CEP63: variants seen among roughly 807,000 people sequenced by gnomAD.
CEP63 encodes centrosomal protein of 63 kDa.
In CEP63, 84 loss-of-function variants were observed where a neutral mutation model predicts 89.1. The observed-to-expected ratio is 0.94, with a 90% CI of 0.79 to 1.13. CEP63 has a LOEUF of 1.13. CEP63 is among the 50% of genes most tolerant of loss of function. CEP63 has a pLI of 0.00. For synonymous variants in CEP63, 267 were observed against 272.5 expected (o/e 0.98, Z 0.20); for missense variants, 838 against 813.3 (o/e 1.03, Z -0.37).
the CEP63 span, among the ~76,000 whole-genome samples, chr3:134,707,816 C>G: frequency 7.1e-6 from 1 of 141,126 alleles, no homozygotes; most frequent in Non-Finnish European, 1.5e-5. Context: ...GATCAGTCCT[C>G]CTCTCACTCT....
intron 11 of CEP63, among the ~76,000 whole-genome samples, chr3:134,573,488 C>T (rs1463074787): frequency 6.6e-6 from 1 of 152,190 alleles, no homozygotes; most frequent in Non-Finnish European, 1.5e-5. Flanking sequence ...GCTATCCCAG[C>T]ACCGTTTGTT....
At chr3:134,645,722 A>G in the CEP63 span, among the ~76,000 whole-genome samples, 1 of 152,086 alleles carries the variant, frequency 6.6e-6, no homozygotes, top group Admixed American at 6.5e-5. Context: ...ATTTACCTGA[A>G]ACTTCCAGTT....
At chr3:134,536,457 C>G (rs77167542) in intron 5 of CEP63, 4 of 152,934 alleles carry the variant, frequency 2.6e-5, no homozygotes, top group African/African-American at 9.7e-5. Context: ...TTGATTTGCC[C>G]CATTTTCATA....
At chr3:134,724,127 C>T in the CEP63 span, among the ~76,000 whole-genome samples, 10 of 152,308 alleles carry the variant, frequency 6.6e-5, no homozygotes, top group South Asian at 2.1e-4. Context: ...TTCAAATTCA[C>T]GCCCCTCACT....
At chr3:134,539,463 A>C (rs1951546124) in intron 6 of CEP63, among the ~76,000 whole-genome samples, 1 of 152,206 alleles carries the variant, frequency 6.6e-6, no homozygotes, top group Non-Finnish European at 1.5e-5. Context: ...AAAAAATAAC[A>C]ATATATCAGT....
the CEP63 span, among the ~76,000 whole-genome samples, chr3:134,755,236 CCCTG>C: frequency 3.3e-4 from 1 of 3,018 alleles, no homozygotes. Context: ...GAACCCTGAG[CCCTG>C]AGCCCTGAGC....
the CEP63 span, among the ~76,000 whole-genome samples, chr3:134,764,627 G>A: frequency 4.6e-5 from 7 of 152,186 alleles, no homozygotes; most frequent in East Asian, 1.9e-4. Flanking sequence ...CTTCCCCATC[G>A]CAATGCTTCT....
the CEP63 span, among the ~76,000 whole-genome samples, chr3:134,655,357 G>A: frequency 6.6e-6 from 1 of 152,176 alleles, no homozygotes; most frequent in East Asian, 1.9e-4. Context: ...TCCATTCCTT[G>A]AAGAACTGAT....
chr3:134,603,633 A>G, the CEP63 span: 2 of 1,606,658 alleles, frequency 1.2e-6, no homozygotes, highest in African/African-American at 2.7e-5. Flanking sequence ...TGTGGTTGGC[A>G]TTCTCCAGCA....
At chr3:134,595,007 G>T in the CEP63 span, among the ~76,000 whole-genome samples, 2 of 152,156 alleles carry the variant, frequency 1.3e-5, no homozygotes, top group African/African-American at 2.4e-5. Context: ...AAAGCTGACT[G>T]GTTGTCAGTC....
the CEP63 span, among the ~76,000 whole-genome samples, chr3:134,738,507 A>G: frequency 1.3e-5 from 2 of 152,196 alleles, no homozygotes; most frequent in East Asian, 3.8e-4. Flanking sequence ...TCTAGTTTAT[A>G]TTCCTCAGGA....
chr3:134,760,127 C>T, the CEP63 span, among the ~76,000 whole-genome samples: 3 of 147,728 alleles, frequency 2.0e-5, no homozygotes, highest in Non-Finnish European at 4.4e-5. Context: ...GGCGCGATCT[C>T]GGCTCACTGC....
rs901271312 is a variant in CEP63, at chr3:134,486,367, C to T, written c.-26+165C>T. 4.0e-4 allele frequency: 393 copies of T among 985,654 alleles called. 1 individual carries two copies. Among genetic ancestry groups the T allele is most frequent in the South Asian group, 2.3e-3 (50 of 21,298 alleles). 61.1% of individuals were successfully genotyped at this position (985,654 alleles called of 1,614,324 possible). A position where few individuals can be genotyped will look rare whatever the true frequency, so the allele number is the denominator to read the frequency against. On this transcript the variant is annotated intron_variant, in intron 1 of 14. Transcript: ENST00000675561. ...GGCTTGCGGCCGGTTTGCGCAACGG[C>T]CTGCGAACCACCAGGCGCGTCCCCG...
intron 4 of CEP63, 33 bp from the exon 5 acceptor site, chr3:134,532,745 A>T (rs1250185488): frequency 6.4e-7 from 1 of 1,568,510 alleles, no homozygotes; most frequent in South Asian, 1.1e-5. Flanking sequence ...ACAAATTCTT[A>T]AACTTTAAAT....
intron 2 of CEP63, among the ~76,000 whole-genome samples, chr3:134,495,695 C>G (rs1257460399): frequency 6.6e-6 from 1 of 152,228 alleles, no homozygotes; most frequent in Non-Finnish European, 1.5e-5. Context: ...TTCTACCTAA[C>G]TGTATGGTTT....
chr3:134,722,009 C>T, the CEP63 span, among the ~76,000 whole-genome samples: 20 of 152,160 alleles, frequency 1.3e-4, no homozygotes, highest in African/African-American at 3.4e-4. Flanking sequence ...AAAGTGTTTC[C>T]GTCTCTTCTA....
the CEP63 span, among the ~76,000 whole-genome samples, chr3:134,612,515 G>A: frequency 6.6e-6 from 1 of 152,170 alleles, no homozygotes. Flanking sequence ...TGTGTTTATA[G>A]TCTGAGAGGA....
downstream of CEP63, among the ~76,000 whole-genome samples, chr3:134,565,211 G>A (rs1043484641): frequency 1.3e-5 from 2 of 152,100 alleles, no homozygotes; most frequent in African/African-American, 2.4e-5. Context: ...GGATTCCTAC[G>A]CAGATTTTAG....
the CEP63 span, among the ~76,000 whole-genome samples, chr3:134,740,327 TGG>T: frequency 6.6e-6 from 1 of 151,820 alleles, no homozygotes; most frequent in South Asian, 2.1e-4. Flanking sequence ...AGATGGAGTC[TGG>T]CTCTGTTGCC....
Sources: allele counts gnomAD v4.1 joint callset (sites outside exome capture counted in the v4.1 genomes callset), GRCh38; gene constraint gnomAD v4.1.1; transcripts MANE v1.5; gene names NCBI Gene and HGNC (gene_info 2026-07-23, HGNC 2026-07-21).